DACH1: variants seen among roughly 807,000 people sequenced by gnomAD.
DACH1 encodes the protein dachshund family transcription factor 1.
In DACH1, 12 loss-of-function variants were observed where a neutral mutation model predicts 54.2. The ratio of observed to expected loss-of-function variants is 0.22; its 90% CI spans 0.14 to 0.36. The LOEUF (loss-of-function observed/expected upper bound fraction) is 0.36. Ranked by LOEUF, DACH1 falls within the 10% of genes least tolerant of loss-of-function variation. The pLI is 1.00. For synonymous variants in DACH1, 386 were observed against 366.2 expected (o/e 1.05, Z -0.62); for missense variants, 805 against 929.8 (o/e 0.87, Z 1.75).
intron 3 of DACH1, among the ~76,000 whole-genome samples, chr13:71,626,807 A>G (rs1441943337): frequency 6.6e-6 from 1 of 152,060 alleles, no homozygotes. Flanking sequence ...TCTGGGAATG[A>G]GCACCTGCCT....
At chr13:71,495,362 T>C (rs545283203) in intron 6 of DACH1, among the ~76,000 whole-genome samples, 10 of 151,916 alleles carry the variant, frequency 6.6e-5, no homozygotes, top group Non-Finnish European at 1.3e-4. Context: ...AAACAATTAC[T>C]TATAAAAATA....
At chr13:71,641,351 A>C (rs1168141503) in intron 2 of DACH1, among the ~76,000 whole-genome samples, 1 of 152,074 alleles carries the variant, frequency 6.6e-6, no homozygotes, top group East Asian at 1.9e-4. Context: ...AACAATATAC[A>C]TGCAGAGTCA....
intron 1 of DACH1, among the ~76,000 whole-genome samples, chr13:71,720,922 A>C (rs772372345): frequency 2.0e-5 from 3 of 152,172 alleles, no homozygotes; most frequent in Non-Finnish European, 4.4e-5. Flanking sequence ...CTGTCATCAC[A>C]TACTGAAAGG....
intron 1 of DACH1, among the ~76,000 whole-genome samples, chr13:71,743,435 T>G (rs1173217971): frequency 6.6e-6 from 1 of 152,238 alleles, no homozygotes; most frequent in Non-Finnish European, 1.5e-5. Context: ...GGACTGCTGA[T>G]TATTAAAGAC....
intron 1 of DACH1, among the ~76,000 whole-genome samples, chr13:71,791,880 A>G (rs901031203): frequency 1.3e-5 from 2 of 152,184 alleles, no homozygotes; most frequent in African/African-American, 4.8e-5. Context: ...TTGCTGGTCA[A>G]TCAAGTCTAG....
intron 1 of DACH1, among the ~76,000 whole-genome samples, chr13:71,790,765 CA>C (rs2138093251): frequency 6.6e-6 from 1 of 152,140 alleles, no homozygotes; most frequent in East Asian, 1.9e-4. Context: ...CTAAGAAACA[CA>C]AAAAAGCATT....
chr13:71,648,700 T>C (rs1205109708), intron 2 of DACH1, among the ~76,000 whole-genome samples: 1 of 152,146 alleles, frequency 6.6e-6, no homozygotes, highest in East Asian at 1.9e-4. Flanking sequence ...AGTTAACTAT[T>C]TTGCAGCATT....
chr13:71,835,141 A>T (rs1888735914), intron 1 of DACH1, among the ~76,000 whole-genome samples: 1 of 152,064 alleles, frequency 6.6e-6, no homozygotes, highest in Non-Finnish European at 1.5e-5. Context: ...GAGAGTCACA[A>T]TAAGACCAAA....
intron 3 of DACH1, among the ~76,000 whole-genome samples, chr13:71,597,578 C>A (rs1874185361): frequency 6.6e-6 from 1 of 152,088 alleles, no homozygotes; most frequent in Non-Finnish European, 1.5e-5. Context: ...ATGGGGCTCT[C>A]ATCAGTGCAC....
At chr13:71,689,371 A>T (rs541494856) in intron 1 of DACH1, among the ~76,000 whole-genome samples, 1 of 152,282 alleles carries the variant, frequency 6.6e-6, no homozygotes, top group East Asian at 1.9e-4. Context: ...ATACTGAGCA[A>T]TGTAAGAAAT....
intron 7 of DACH1, among the ~76,000 whole-genome samples, chr13:71,484,141 A>T (rs1878286352): frequency 6.6e-6 from 1 of 152,124 alleles, no homozygotes; most frequent in African/African-American, 2.4e-5. Context: ...ATAGTGAATC[A>T]ATCTGGAGCT....
Position 71,581,213 on chromosome 13 carries a change from T to C in DACH1, c.1127-8201A>G, listed in dbSNP as rs559401725. Among the ~76,000 whole-genome samples the C allele has an allele frequency of 5.3e-5, 8 of 152,258 alleles. No individual in the cohort carries two copies. In the South Asian group the frequency reaches 1.0e-3, roughly 20 times the overall value. On this transcript the variant is annotated intron_variant, in intron 3 of 10. Transcript: ENST00000613252. ...ACAGCCTTTGTTATGGAGCAGCTTA[T>C]GATATGCAGGAGAGGCACATGCACA...
chr13:71,759,777 AG>A (rs1183304335), intron 1 of DACH1, among the ~76,000 whole-genome samples: 1 of 152,156 alleles, frequency 6.6e-6, no homozygotes, highest in Non-Finnish European at 1.5e-5. Context: ...ACGTTTTCCC[AG>A]ATCACCCAAG....
At chr13:71,746,231 A>C (rs536212246) in intron 1 of DACH1, among the ~76,000 whole-genome samples, 4 of 152,300 alleles carry the variant, frequency 2.6e-5, no homozygotes, top group Admixed American at 6.5e-5. Flanking sequence ...AAAATAAAAT[A>C]AAATAATAAA....
At chr13:71,497,019 T>C (rs903747893) in intron 6 of DACH1, among the ~76,000 whole-genome samples, 4 of 152,114 alleles carry the variant, frequency 2.6e-5, no homozygotes, top group Admixed American at 6.6e-5. Context: ...ATTAAGAAAG[T>C]ATGAATTCAA....
chr13:71,861,184 G>A (rs188536118), intron 1 of DACH1, among the ~76,000 whole-genome samples: 181 of 152,024 alleles, frequency 1.2e-3, no homozygotes, highest in African/African-American at 4.0e-3. Flanking sequence ...TTAAAACTAT[G>A]TGTCAAATGT....
chr13:71,475,738 G>T lies in DACH1; in HGVS notation c.1982C>A (p.Ala661Glu), dbSNP rs376728082. 4.3e-6 allele frequency: 7 copies of T among 1,613,122 alleles called. No individual in the cohort carries two copies. Among genetic ancestry groups the T allele is most frequent in the Non-Finnish European group, 5.9e-6 (7 of 1,179,810 alleles). ...REQAEQTLKQ[A>E]ASTDSLRVLN... ...GACCCTGAGACTATCTGTTGAAGCT[G>T]CCTGTTTTAGCGTCTGTTCTGCTTG... Residue 661 changes from alanine (A) to glutamate (E), a missense_variant, in exon 9 of 11, where the codon GCA becomes GAA. Physicochemically the swap from Ala to Glu is moderately radical, Grantham distance 107. This residue lies in a region of DACH1 where 472 missense variants were observed against 545.3 expected (regional missense o/e 0.87). Transcript: ENST00000613252.
chr13:71,461,004 T>G lies in DACH1; in HGVS notation c.2083+14137A>C, dbSNP rs116043709. 4.4e-3 allele frequency among the ~76,000 whole-genome samples: 675 copies of G among 152,188 alleles called. 5 individuals are homozygous for G. The highest frequency in any genetic ancestry group is 0.016 in the African/African-American group (654 of 41,560). ...TTCTGTAATTGAGACTTTGACACAT[T>G]AACCAGGCTAGGTCCTGAACTCTTA... is the stretch of plus-strand genomic sequence containing the variant. On this transcript the variant is annotated intron_variant, in intron 10 of 10. Coordinates refer to ENST00000613252, the MANE Select transcript of DACH1 (RefSeq NM_080759.6).
intron 1 of DACH1, among the ~76,000 whole-genome samples, chr13:71,793,116 T>C (rs1048208654): frequency 6.6e-6 from 1 of 152,132 alleles, no homozygotes. Flanking sequence ...ATGACAATCA[T>C]AACAAAACAC....
Sources: gnomAD v4.1 joint callset for allele counts (sites outside exome capture counted in the v4.1 genomes callset) on GRCh38, gnomAD v4.1.1 for gene constraint, gnomAD v4.1.1 regional missense constraint, MANE v1.5 for transcripts, NCBI Gene and HGNC (gene_info 2026-07-23, HGNC 2026-07-21) for gene names.